SPRY3: variants seen among roughly 807,000 people sequenced by gnomAD.
SPRY3 encodes the protein sprouty RTK signaling antagonist 3.
SPRY3 carries 15 observed loss-of-function variants against 20.2 expected under a neutral mutation model. The ratio of observed to expected loss-of-function variants is 0.74; its 90% CI spans 0.50 to 1.14. The LOEUF is 1.14. Among genes scored for constraint, SPRY3 ranks in the 50% most tolerant of loss-of-function variants. The pLI is 0.00. For missense variants in SPRY3, 364 were observed against 363.9 expected (o/e 1.00, Z 0.00); for synonymous variants, 143 against 136.5 (o/e 1.05, Z -0.33).
intron 1 of SPRY3, among the ~76,000 whole-genome samples, chrX:155,633,681 G>A (rs1237121785): frequency 9.0e-6 from 1 of 111,711 alleles, no homozygotes; most frequent in Non-Finnish European, 1.9e-5. Flanking sequence ...TAAGATGATA[G>A]TGGAGTTTTG....
intron 2 of SPRY3, among the ~76,000 whole-genome samples, chrX:155,767,195 C>G (rs925090821): frequency 6.6e-6 from 1 of 151,864 alleles, no homozygotes; most frequent in African/African-American, 2.4e-5. Context: ...GCATTAAGAG[C>G]TACAGCTCCG....
chrX:155,722,214 A>T (rs759073054), intron 2 of SPRY3, among the ~76,000 whole-genome samples: 2 of 152,216 alleles, frequency 1.3e-5, no homozygotes, highest in South Asian at 4.2e-4. Flanking sequence ...CAAAAGACAT[A>T]AAAAAATACA....
intron 1 of SPRY3, among the ~76,000 whole-genome samples, chrX:155,622,038 A>G (rs986566104): frequency 9.0e-6 from 1 of 111,671 alleles, no homozygotes. Flanking sequence ...CCTCCTGTAC[A>G]GGCATTAAGG....
At chrX:155,736,357 T>C (rs181923775) in intron 2 of SPRY3, among the ~76,000 whole-genome samples, 161 of 152,112 alleles carry the variant, frequency 1.1e-3, no homozygotes, top group African/African-American at 3.8e-3. Flanking sequence ...TTTTAACATT[T>C]TTTTACAAGA....
At chrX:155,742,776 T>C (rs2091209487) in intron 2 of SPRY3, among the ~76,000 whole-genome samples, 1 of 152,170 alleles carries the variant, frequency 6.6e-6, no homozygotes, top group African/African-American at 2.4e-5. Context: ...CAAGATGTTC[T>C]TTGAAACTAA....
intron 2 of SPRY3, among the ~76,000 whole-genome samples, chrX:155,661,649 T>C (rs1236034380): frequency 1.8e-5 from 2 of 111,876 alleles, no homozygotes; most frequent in Non-Finnish European, 3.8e-5. Context: ...CTTTTTCTTC[T>C]TCTCCATCAG....
At chrX:155,647,571 C>T (rs1039261101) in intron 1 of SPRY3, among the ~76,000 whole-genome samples, 1 of 110,283 alleles carries the variant, frequency 9.1e-6, no homozygotes, top group Admixed American at 9.7e-5. Flanking sequence ...GTTTTCTGTT[C>T]CTGTGTTAGT....
chrX:155,650,826 C>A (rs2067975056), intron 1 of SPRY3, among the ~76,000 whole-genome samples: 2 of 111,918 alleles, frequency 1.8e-5, no homozygotes, highest in African/African-American at 3.2e-5. Context: ...AGATACTAGA[C>A]CTTGGCTATT....
At chrX:155,626,181 T>C (rs2067887594) in intron 1 of SPRY3, among the ~76,000 whole-genome samples, 1 of 111,769 alleles carries the variant, frequency 8.9e-6, no homozygotes, top group African/African-American at 3.2e-5. Flanking sequence ...AGGTCTCCAA[T>C]TTATCCACAT....
chrX:155,659,766 T>C (rs962715715), intron 2 of SPRY3, among the ~76,000 whole-genome samples: 3 of 111,640 alleles, frequency 2.7e-5, no homozygotes, highest in African/African-American at 9.8e-5. Context: ...AGGTTGCATG[T>C]TTCTGGAAAT....
intron 3 of SPRY3, among the ~76,000 whole-genome samples, chrX:155,773,022 C>T (rs1203641069): frequency 1.3e-5 from 2 of 151,892 alleles, no homozygotes; most frequent in East Asian, 3.9e-4. Flanking sequence ...GATTCTGGAG[C>T]CTCCATTCCA....
chrX:155,670,660 CTT>C (rs2124559085), intron 2 of SPRY3, among the ~76,000 whole-genome samples: 1 of 111,918 alleles, frequency 8.9e-6, no homozygotes, highest in South Asian at 3.7e-4. Flanking sequence ...TTTATAATAA[CTT>C]TTGTCTGACC....
chrX:155,724,254 G>A (rs17361082), intron 2 of SPRY3, among the ~76,000 whole-genome samples: 2 of 152,034 alleles, frequency 1.3e-5, no homozygotes, highest in African/African-American at 2.4e-5. Flanking sequence ...CTTAGGATTG[G>A]CTTGGCTATG....
intron 2 of SPRY3, among the ~76,000 whole-genome samples, chrX:155,699,929 C>G (rs1373406326): frequency 9.4e-6 from 1 of 106,688 alleles, no homozygotes; most frequent in African/African-American, 3.4e-5. Context: ...GAGAAAGGAA[C>G]AAAGACACAT....
At chrX:155,772,636 C>T (rs1434685867) in intron 3 of SPRY3, among the ~76,000 whole-genome samples, 3 of 152,040 alleles carry the variant, frequency 2.0e-5, no homozygotes, top group African/African-American at 4.8e-5. Flanking sequence ...TGGTGCAATA[C>T]AGCAGTCTGC....
chrX:155,752,322 C>A (rs1326584097), intron 2 of SPRY3, among the ~76,000 whole-genome samples: 1 of 149,728 alleles, frequency 6.7e-6, no homozygotes. Context: ...ATAAGAAATA[C>A]TAAAAAAAAA....
chrX:155,732,185 G>GA (rs968601840), intron 2 of SPRY3, among the ~76,000 whole-genome samples: 4 of 151,830 alleles, frequency 2.6e-5, no homozygotes, highest in South Asian at 2.1e-4. Context: ...GTTCTGTTTA[G>GA]AAAAAAACTC....
intron 2 of SPRY3, among the ~76,000 whole-genome samples, chrX:155,750,488 A>G (rs1265141225): frequency 6.6e-6 from 1 of 151,918 alleles, no homozygotes; most frequent in Non-Finnish European, 1.5e-5. Context: ...AGATGAAATA[A>G]ATAGTGAGAT....
At chrX:155,703,762 A>C (rs1292685096) in intron 2 of SPRY3, among the ~76,000 whole-genome samples, 1 of 151,096 alleles carries the variant, frequency 6.6e-6, no homozygotes, top group Non-Finnish European at 1.5e-5. Flanking sequence ...TAGTGCAATA[A>C]ATTTCCCTCT....
Sources: gnomAD v4.1 joint callset for allele counts (sites outside exome capture counted in the v4.1 genomes callset) on GRCh38, gnomAD v4.1.1 for gene constraint, MANE v1.5 for transcripts, NCBI Gene and HGNC (gene_info 2026-07-23, HGNC 2026-07-21) for gene names.